SBNO2: variants seen among roughly 807,000 people sequenced by gnomAD.
The protein encoded by SBNO2 is strawberry notch homolog 2.
In SBNO2, 89 loss-of-function variants were observed where a neutral mutation model predicts 146.3. The ratio of observed to expected loss-of-function variants is 0.61; its 90% CI spans 0.51 to 0.73. The LOEUF (loss-of-function observed/expected upper bound fraction) is 0.73. Ranked by LOEUF, SBNO2 falls within the 30% of genes least tolerant of loss-of-function variation. The probability of loss-of-function intolerance (pLI) is 0.00; values close to 1 mark genes in which losing one functional copy is unlikely to be tolerated. For synonymous variants in SBNO2, 1,147 were observed against 892.6 expected, an observed-to-expected ratio of 1.29 and a Z score of -5.08; for missense variants, 2,092 against 2,003.7, an observed-to-expected ratio of 1.04 and a Z score of -0.84.
In SBNO2 at chr19:1,158,697, G is replaced by A. The variant is rs927810313; in HGVS notation, c.-126-4295C>T. The stretch of plus-strand genomic sequence containing the variant: ...AGAGGCCACCGCACAGTCCCTGGAG[G>A]CCGCATTACCTCAGCCGAGGTTCTC... On this transcript the variant is annotated intron_variant, in intron 1 of 31. Coordinates refer to ENST00000361757, the MANE Select transcript of SBNO2 (RefSeq NM_014963.3). This position sits in a 1 kb window ranked among gnomAD's most constrained non-coding sequence, Gnocchi z 9.9. Among the ~76,000 whole-genome samples, 1 of 152,180 alleles carries A rather than the reference G, an allele frequency of 6.6e-6. No individual in the cohort carries two copies. The highest frequency in any genetic ancestry group is 2.4e-5 in the African/African-American group (1 of 41,442).
At chr19:1,130,828 G>A (rs1266867734) in intron 4 of SBNO2, among the ~76,000 whole-genome samples, 3 of 152,178 alleles carry the variant, frequency 2.0e-5, no homozygotes, top group African/African-American at 4.8e-5. Flanking sequence ...CTAATAATGA[G>A]GGAGTGCTTG....
At chr19:1,121,292 G>A (rs781554413) in intron 11 of SBNO2, among the ~76,000 whole-genome samples, 7 of 152,234 alleles carry the variant, frequency 4.6e-5, no homozygotes, top group African/African-American at 1.2e-4. Context: ...CTGCCGCCAC[G>A]TAGCAGCTCA....
At chr19:1,132,314 C>A in intron 4 of SBNO2, 2 of 1,298,222 alleles carry the variant, frequency 1.5e-6, no homozygotes, top group African/African-American at 1.5e-5. Flanking sequence ...CCTCTAAGGC[C>A]GGGGCTGACT....
At chr19:1,172,230 C>G (rs767671954) in intron 1 of SBNO2, among the ~76,000 whole-genome samples, 163 of 152,230 alleles carry the variant, frequency 1.1e-3, no homozygotes, top group Non-Finnish European at 2.0e-3. Flanking sequence ...CTGCCTGCGT[C>G]TCCTCTGCCG....
At chr19:1,159,293 C>A (rs1293115235) in intron 1 of SBNO2, among the ~76,000 whole-genome samples, 1 of 151,850 alleles carries the variant, frequency 6.6e-6, no homozygotes, top group East Asian at 2.0e-4. Flanking sequence ...GCCGCCAGGA[C>A]CGTCTGGTGG....
At chr19:1,163,984 G>T (rs571207182) in intron 1 of SBNO2, among the ~76,000 whole-genome samples, 22 of 152,230 alleles carry the variant, frequency 1.4e-4, no homozygotes, top group Non-Finnish European at 2.9e-5. Context: ...AGCGCCCTGA[G>T]GACGGGGTCG....
At chr19:1,164,673 A>T in intron 1 of SBNO2, among the ~76,000 whole-genome samples, 1 of 83,520 alleles carries the variant, frequency 1.2e-5, no homozygotes, top group Non-Finnish European at 2.6e-5. Flanking sequence ...GAGGAACAGG[A>T]GGAGGAGGAG....
Position 1,119,519 on chromosome 19 carries a change from T to C in SBNO2, c.1370A>G (p.Lys457Arg). The change falls in exon 13 of 32, where the codon AAG becomes AGG. Residue 457 changes from lysine (K) to arginine (R), a missense_variant. Transcript: ENST00000361757. ...CGTGGGTGAGAAGGGCACTCACCTC[T>C]TCTCGATGGCGTGCAGGAACTCCTC... ...NFEEFLHAIE[K>R]RGVGAMEIVA... is the part of the protein sequence containing the mutation. The C allele has an allele frequency of 1.3e-6, 2 of 1,562,198 alleles. No individual in the cohort carries two copies. Among genetic ancestry groups the C allele is most frequent in the Non-Finnish European group, 1.8e-6 (2 of 1,137,976 alleles).
Position 1,108,644 on chromosome 19 carries a change from G to C in SBNO2, c.3677C>G (p.Ala1226Gly), listed in dbSNP as rs941841795. 171 of 1,509,758 alleles carry C rather than the reference G, an allele frequency of 1.1e-4. No individual in the cohort carries two copies. The highest frequency in any genetic ancestry group is 1.4e-4 in the Non-Finnish European group (161 of 1,136,758). The allele number at this position is 1,509,758 out of a possible 1,614,324, so 93.5% of individuals were successfully genotyped here. Reference protein sequence around the residue: ...RVLQELRLMDADVKRRQAPAL... With the variant: ...RVLQELRLMDGDVKRRQAPAL... ...GGGCGCCTGCCTGCGCTTCACGTCC[G>C]CATCCATCAGCCGCAGCTCCTGCAG... Residue 1226 changes from alanine (A) to glycine (G), a missense_variant, in exon 32 of 32, where the codon GCG becomes GGG. Coordinates refer to ENST00000361757, the MANE Select transcript of SBNO2 (RefSeq NM_014963.3).
At chr19:1,162,942 G>A (rs1287023454) in intron 1 of SBNO2, among the ~76,000 whole-genome samples, 1 of 152,192 alleles carries the variant, frequency 6.6e-6, no homozygotes, top group Non-Finnish European at 1.5e-5. Flanking sequence ...AATGTGGACG[G>A]GACAGAGCCC....
At position 1,110,402 on chromosome 19, in the gene SBNO2, G is replaced by A. The variant is rs921194243; in HGVS notation, c.3028+343C>T. Among the ~76,000 whole-genome samples the A allele has an allele frequency of 5.9e-5, 9 of 152,146 alleles. No homozygotes were observed. The highest frequency in any genetic ancestry group is 1.0e-4 in the Non-Finnish European group (7 of 68,002). On this transcript the variant is annotated intron_variant, in intron 26 of 31. Transcript: ENST00000361757. This position sits in a 1 kb window ranked among gnomAD's most constrained non-coding sequence, Gnocchi z 4.9. ...ACCAGCCTGGGCACCTTCCAGAGAC[G>A]TGCACGGTGATCCCACGAGCCCTGT...
At chr19:1,115,967 G>C (rs1451685998) in intron 17 of SBNO2, 54 bp downstream of exon 17, 2 of 1,444,286 alleles carry the variant, frequency 1.4e-6, no homozygotes, top group Non-Finnish European at 1.9e-6. Context: ...CCAGCCCCCG[G>C]GGGGAGAAAG....
rs1163081216 is a variant in SBNO2 at position 1,164,387 on chromosome 19, C to CAGG, written c.-127+9782_-127+9784dup. Reference sequence around the variant, plus strand: ...TCCCAGATGCCAGGGGCAGTGGAGACAGGAGGAGGAGGAGGAGGAGGAGGA... The same window carrying CAGG: ...TCCCAGATGCCAGGGGCAGTGGAGACAGGAGGAGGAGGAGGAGGAGGAGGAGGA... On this transcript the variant is annotated intron_variant, in intron 1 of 31. Coordinates refer to ENST00000361757, the MANE Select transcript of SBNO2 (RefSeq NM_014963.3). 2.5e-3 allele frequency among the ~76,000 whole-genome samples: 138 copies of CAGG among 56,064 alleles called. 5 individuals carry two copies. The highest frequency in any genetic ancestry group is 6.3e-3 in the African/African-American group (99 of 15,772). 36.8% of individuals were successfully genotyped at this position (56,064 alleles called of 152,430 possible). A position where few individuals can be genotyped will look rare whatever the true frequency, so the allele number is the denominator to read the frequency against.
intron 4 of SBNO2, among the ~76,000 whole-genome samples, chr19:1,146,711 A>C (rs2080193283): frequency 1.8e-5 from 2 of 108,188 alleles, no homozygotes; most frequent in African/African-American, 3.5e-5. Context: ...CCCTTGGGGA[A>C]GGCTGTGAGG....
At chr19:1,122,592 T>TGCCCCCCCCCCCCCCCCCCACCC in intron 9 of SBNO2, 34 bp from the exon 10 acceptor site, 1 of 1,455,730 alleles carries the variant, frequency 6.9e-7, no homozygotes, top group Non-Finnish European at 9.2e-7. Flanking sequence ...CGCCCACCCT[T>TGCCCCCCCCCCCCCCCCCCACCC]CCCCCTCGCC....
intron 5 of SBNO2, among the ~76,000 whole-genome samples, chr19:1,124,699 C>T (rs1274527480): frequency 6.6e-6 from 1 of 152,222 alleles, no homozygotes; most frequent in Non-Finnish European, 1.5e-5. Context: ...CCCACTGCGG[C>T]CCCACCCTGG....
chr19:1,141,283 C>T (rs1224596786), intron 4 of SBNO2, among the ~76,000 whole-genome samples: 6 of 151,866 alleles, frequency 4.0e-5, no homozygotes, highest in South Asian at 4.1e-4. Context: ...GGCGCAATCT[C>T]GGCTCCCTGC....
At position 1,173,846 on chromosome 19, in the gene SBNO2, A is replaced by C. The variant is rs1006212239; in HGVS notation, c.-127+326T>G. ...CTGCGCGGTACAGGGAGTCACCCGG[A>C]AGAGCGGGAAGGAAAGGTTGGGAGG... On this transcript the variant is annotated intron_variant, in intron 1 of 31. Coordinates refer to ENST00000361757, the MANE Select transcript of SBNO2 (RefSeq NM_014963.3). This position sits in a 1 kb window ranked among gnomAD's most constrained non-coding sequence, Gnocchi z 4.7. 1 of 150,542 alleles carries C rather than the reference A, an allele frequency of 6.6e-6. No individual in the cohort carries two copies. The highest frequency in any genetic ancestry group is 2.4e-5 in the African/African-American group (1 of 40,846). The allele number at this position is 150,542 out of a possible 1,614,324, so 9.3% of individuals were successfully genotyped here. A position where few individuals can be genotyped will look rare whatever the true frequency, so the allele number is the denominator to read the frequency against.
At chr19:1,132,292 C>G in intron 4 of SBNO2, 1 of 1,310,346 alleles carries the variant, frequency 7.6e-7, no homozygotes, top group African/African-American at 1.5e-5. Context: ...TCACCGCCGC[C>G]GGCGCCTACT....
Sources: gnomAD v4.1 joint callset for allele counts (sites outside exome capture counted in the v4.1 genomes callset) on GRCh38, gnomAD v4.1.1 for gene constraint, Gnocchi (gnomAD v3.1) non-coding constraint, MANE v1.5 for transcripts, NCBI Gene and HGNC (gene_info 2026-07-23, HGNC 2026-07-21) for gene names.